NFASC: variants seen among roughly 807,000 people sequenced by gnomAD.
NFASC encodes the protein neurofascin.
In NFASC, 43 loss-of-function variants were observed where a neutral mutation model predicts 147.5. The ratio of observed to expected loss-of-function variants is 0.29; its 90% CI spans 0.23 to 0.38. NFASC has a LOEUF of 0.38. Ranked by LOEUF, NFASC falls within the 10% of genes least tolerant of loss-of-function variation. The probability of loss-of-function intolerance (pLI) is 1.00; values close to 1 mark genes in which losing one functional copy is unlikely to be tolerated. For missense variants in NFASC, 1,320 were observed against 1,689.0 expected (o/e 0.78, Z 3.83); for synonymous variants, 622 against 665.5 (o/e 0.93, Z 1.01).
intron 1 of NFASC, among the ~76,000 whole-genome samples, chr1:204,915,736 G>C (rs562082100): frequency 6.6e-6 from 1 of 152,312 alleles, no homozygotes; most frequent in South Asian, 2.1e-4. Context: ...AGAGGCACAT[G>C]AACCACGAGT....
intron 2 of NFASC, among the ~76,000 whole-genome samples, chr1:204,926,872 G>A (rs2149517170): frequency 6.6e-6 from 1 of 151,868 alleles, no homozygotes; most frequent in East Asian, 2.0e-4. Context: ...TCAGGTGTTC[G>A]AGACCAGCCT....
intron 1 of NFASC, among the ~76,000 whole-genome samples, chr1:204,896,125 G>T (rs1159412416): frequency 6.6e-6 from 1 of 152,242 alleles, no homozygotes; most frequent in Non-Finnish European, 1.5e-5. Flanking sequence ...AGGAGAGGAA[G>T]TGGGGTGCGG....
chr1:204,848,610 G>A (rs2075384146), intron 1 of NFASC, among the ~76,000 whole-genome samples: 1 of 152,202 alleles, frequency 6.6e-6, no homozygotes, highest in African/African-American at 2.4e-5. Flanking sequence ...GATTATAAAG[G>A]TAAAAATCAT....
In NFASC at chr1:204,988,621, C is replaced by A. The variant is rs200535055; in HGVS notation, c.2594-12C>A. On this transcript the variant is annotated splice_polypyrimidine_tract_variant and intron_variant, in intron 22 of 29. Coordinates refer to ENST00000339876, the MANE Select transcript of NFASC (RefSeq NM_001005388.3). Reference sequence around the variant, plus strand: ...TGCTAAAGTTTAATTCCACTTACCTCTCTCTCCCCAGTTAACGGGACCAAA... The same window carrying A: ...TGCTAAAGTTTAATTCCACTTACCTATCTCTCCCCAGTTAACGGGACCAAA... The A allele has an allele frequency of 6.2e-7, 1 of 1,613,146 alleles. No homozygotes were observed. The highest frequency in any genetic ancestry group is 2.2e-5 in the East Asian group (1 of 44,878).
At chr1:204,876,972 A>G (rs2078915110) in intron 1 of NFASC, among the ~76,000 whole-genome samples, 1 of 136,480 alleles carries the variant, frequency 7.3e-6, no homozygotes, top group Non-Finnish European at 1.5e-5. Context: ...ACAGGAATTT[A>G]TGCCAAATGA....
intron 25 of NFASC, chr1:204,999,092 C>A (rs2095915070): frequency 6.6e-6 from 1 of 152,186 alleles, no homozygotes; most frequent in Non-Finnish European, 1.5e-5. Flanking sequence ...GTGAAATAGG[C>A]CTTTTTATTT....
rs2095611678 is a variant in NFASC at position 204,986,197 on chromosome 1, C to T, written c.2471-1221C>T. The T allele has an allele frequency of 4.8e-6, 5 of 1,042,920 alleles. No individual in the cohort carries two copies. Among genetic ancestry groups the T allele is most frequent in the East Asian group, 2.5e-5 (1 of 40,348 alleles). The allele number at this position is 1,042,920 out of a possible 1,614,324, so 64.6% of individuals were successfully genotyped here. A position where few individuals can be genotyped will look rare whatever the true frequency, so the allele number is the denominator to read the frequency against. ...GGCCTGGAGAAACTCCAGCGTGGCT[C>T]AGCATGGATGGCACAAGGTGACTTC... On this transcript the variant is annotated intron_variant, in intron 21 of 29. Coordinates refer to ENST00000339876, the MANE Select transcript of NFASC (RefSeq NM_001005388.3). The surrounding 1 kb of genome is among the most constrained non-coding windows in gnomAD (Gnocchi z 4.2).
chr1:204,872,610 G>T lies in NFASC; in HGVS notation c.-200+43828G>T, dbSNP rs898591056. Among the ~76,000 whole-genome samples the T allele has an allele frequency of 6.6e-5, 10 of 152,156 alleles. 1 individual carries two copies. The highest frequency in any genetic ancestry group is 6.5e-4 in the Admixed American group (10 of 15,272). Reference sequence around the variant, plus strand: ...CCAAGCTTTTTGGGGGCTCCTACTGGCTCTGTTGTAACATTGTCATTTGCT... The same window carrying T: ...CCAAGCTTTTTGGGGGCTCCTACTGTCTCTGTTGTAACATTGTCATTTGCT... On this transcript the variant is annotated intron_variant, in intron 1 of 29. Coordinates refer to ENST00000339876, the MANE Select transcript of NFASC (RefSeq NM_001005388.3).
Position 204,944,283 on chromosome 1 carries a change from C to A in NFASC, c.-33C>A. 9 of 1,608,748 alleles carry A rather than the reference C, an allele frequency of 5.6e-6. No homozygotes were observed. The highest frequency in any genetic ancestry group is 7.6e-6 in the Non-Finnish European group (9 of 1,177,916). On this transcript the variant is annotated 5_prime_UTR_variant, in exon 3 of 30. It adds an upstream start codon to the 5' untranslated region. Transcript: ENST00000339876. ...GCTCGAGGTGACAAGACCCCGAGTG[C>A]TGGGGAGCAGGGAGCAGGGCCAGGT...
At chr1:204,934,746 C>T (rs2625223) in intron 2 of NFASC, among the ~76,000 whole-genome samples, 59,931 of 152,152 alleles carry the variant, frequency 0.39, 12,861 homozygotes, top group South Asian at 0.51. Context: ...ATGCCCATTC[C>T]TAAACCAGTC....
intron 1 of NFASC, among the ~76,000 whole-genome samples, chr1:204,905,370 GTT>G (rs34545947): frequency 8.4e-4 from 123 of 147,104 alleles, no homozygotes; most frequent in East Asian, 3.4e-3. Flanking sequence ...GTTATTTTCA[GTT>G]TTTTTTTTTT....
At chr1:204,944,455 A>AG in intron 3 of NFASC, 49 bp downstream of exon 3, 1 of 385,428 alleles carries the variant, frequency 2.6e-6, no homozygotes, top group Non-Finnish European at 5.1e-6. Context: ...TTTTGGGCAG[A>AG]GGGGTGGGAG....
At chr1:204,870,317 G>T (rs533812378) in intron 1 of NFASC, among the ~76,000 whole-genome samples, 2 of 152,192 alleles carry the variant, frequency 1.3e-5, no homozygotes, top group African/African-American at 4.8e-5. Context: ...CCAAAGTTGC[G>T]GAGAGCCATT....
At chr1:204,850,663 A>G (rs1026862214) in intron 1 of NFASC, among the ~76,000 whole-genome samples, 3 of 152,178 alleles carry the variant, frequency 2.0e-5, no homozygotes, top group Non-Finnish European at 4.4e-5. Context: ...CTGCTCCGCC[A>G]TGGTAAGACG....
At chr1:204,862,883 G>C (rs923884649) in intron 1 of NFASC, among the ~76,000 whole-genome samples, 1 of 152,194 alleles carries the variant, frequency 6.6e-6, no homozygotes, top group Non-Finnish European at 1.5e-5. Context: ...ACTACTCAAG[G>C]CTTCCCTGTA....
intron 11 of NFASC, among the ~76,000 whole-genome samples, chr1:204,972,445 A>G (rs901874878): frequency 6.6e-6 from 1 of 152,128 alleles, no homozygotes; most frequent in African/African-American, 2.4e-5. Context: ...TCCCCATCTT[A>G]CAGAAGAAGG....
intron 1 of NFASC, among the ~76,000 whole-genome samples, chr1:204,897,604 C>T (rs2083632110): frequency 6.6e-6 from 1 of 151,092 alleles, no homozygotes; most frequent in Admixed American, 6.6e-5. Flanking sequence ...GATAGGGTCT[C>T]ACTCTGTCAC....
intron 2 of NFASC, among the ~76,000 whole-genome samples, chr1:204,938,844 T>A (rs2595949): frequency 0.17 from 26,044 of 152,114 alleles, 3,025 homozygotes; most frequent in African/African-American, 0.33. Flanking sequence ...CCTAGAAGAT[T>A]GAGGGCCCGG....
chr1:204,897,686 A>G (rs1452331231), intron 1 of NFASC, among the ~76,000 whole-genome samples: 1 of 147,458 alleles, frequency 6.8e-6, no homozygotes, highest in Admixed American at 6.8e-5. Context: ...TGATTCTTCC[A>G]CCTCAGCCTC....
Sources: gnomAD v4.1 joint callset for allele counts (sites outside exome capture counted in the v4.1 genomes callset) on GRCh38, gnomAD v4.1.1 for gene constraint, Gnocchi (gnomAD v3.1) non-coding constraint, MANE v1.5 for transcripts, NCBI Gene and HGNC (gene_info 2026-07-23, HGNC 2026-07-21) for gene names.